LRP1B: variants seen among roughly 807,000 people sequenced by gnomAD.
The protein encoded by LRP1B is LDL receptor related protein 1B.
Under a neutral mutation model 556.6 loss-of-function variants are expected in LRP1B, and 217 were observed. The observed-to-expected ratio is 0.39, with a 90% CI of 0.35 to 0.44. LRP1B has a LOEUF of 0.44. Ranked by LOEUF, LRP1B falls within the 20% of genes least tolerant of loss-of-function variation. The pLI, the probability that LRP1B is intolerant of heterozygous loss-of-function variation, is 1.00. For synonymous variants in LRP1B, 2,047 were observed against 1,865.8 expected (o/e 1.10, Z -2.50); for missense variants, 5,053 against 5,620.8 (o/e 0.90, Z 3.23).
intron 84 of LRP1B, among the ~76,000 whole-genome samples, chr2:140,293,365 A>G (rs1241869383): frequency 6.6e-6 from 1 of 152,184 alleles, no homozygotes. Context: ...AAGTGCCGCT[A>G]TATTTGTTCT....
intron 41 of LRP1B, among the ~76,000 whole-genome samples, chr2:140,656,558 T>G (rs1303936784): frequency 5.3e-5 from 8 of 152,166 alleles, no homozygotes; most frequent in African/African-American, 1.9e-4. Flanking sequence ...AAATTCTACT[T>G]CTTTCTTCTT....
intron 1 of LRP1B, among the ~76,000 whole-genome samples, chr2:141,918,419 C>G (rs1574491864): frequency 6.6e-6 from 1 of 152,100 alleles, no homozygotes; most frequent in Non-Finnish European, 1.5e-5. Flanking sequence ...TCATCCTAAT[C>G]TTTTTCATGT....
At chr2:140,837,530 A>T (rs1207023179) in intron 31 of LRP1B, among the ~76,000 whole-genome samples, 2 of 152,330 alleles carry the variant, frequency 1.3e-5, no homozygotes, top group African/African-American at 2.4e-5. Context: ...TCTATTTTTT[A>T]AAAATTTTCA....
At chr2:140,464,055 G>A (rs908491220) in intron 60 of LRP1B, among the ~76,000 whole-genome samples, 4 of 152,002 alleles carry the variant, frequency 2.6e-5, no homozygotes, top group African/African-American at 4.8e-5. Context: ...AATTAGCCAG[G>A]CGTGGTGGTG....
chr2:141,612,903 T>C (rs1019280978), intron 2 of LRP1B, among the ~76,000 whole-genome samples: 1 of 151,952 alleles, frequency 6.6e-6, no homozygotes, highest in Non-Finnish European at 1.5e-5. Context: ...CCCTGGTTCA[T>C]GCCATTTTCC....
intron 90 of LRP1B, among the ~76,000 whole-genome samples, chr2:140,234,362 A>G (rs1333748664): frequency 6.6e-6 from 1 of 151,280 alleles, no homozygotes; most frequent in South Asian, 2.1e-4. Context: ...GACCGTCTGT[A>G]ATTTCTCAAT....
intron 62 of LRP1B, among the ~76,000 whole-genome samples, chr2:140,454,065 G>T (rs1686987985): frequency 6.6e-6 from 1 of 152,112 alleles, no homozygotes. Context: ...AGGTAAAATG[G>T]CCTCATAAAC....
At chr2:140,787,239 A>G (rs916370183) in intron 32 of LRP1B, among the ~76,000 whole-genome samples, 14 of 152,122 alleles carry the variant, frequency 9.2e-5, no homozygotes. Flanking sequence ...AGTTGATAGT[A>G]TTTCTGGTTT....
intron 32 of LRP1B, among the ~76,000 whole-genome samples, chr2:140,780,570 T>C (rs1689662910): frequency 6.6e-6 from 1 of 152,142 alleles, no homozygotes; most frequent in Non-Finnish European, 1.5e-5. Flanking sequence ...TGTTCCCTCC[T>C]TACTCACCCT....
intron 3 of LRP1B, among the ~76,000 whole-genome samples, chr2:141,272,105 T>C (rs186272839): frequency 4.6e-5 from 7 of 152,128 alleles, no homozygotes; most frequent in African/African-American, 7.2e-5. Context: ...CATAAAATTA[T>C]ACAAAGTAAC....
chr2:141,343,304 C>A (rs961625460), intron 3 of LRP1B, among the ~76,000 whole-genome samples: 4 of 152,142 alleles, frequency 2.6e-5, no homozygotes, highest in African/African-American at 9.7e-5. Flanking sequence ...CCTGTAGCTT[C>A]TTGAACTTAT....
intron 6 of LRP1B, among the ~76,000 whole-genome samples, chr2:141,216,256 G>A (rs1446845814): frequency 6.6e-6 from 1 of 152,204 alleles, no homozygotes; most frequent in Non-Finnish European, 1.5e-5. Context: ...CTGCCACTTT[G>A]GAGAATGCAA....
intron 6 of LRP1B, among the ~76,000 whole-genome samples, chr2:141,221,496 T>C (rs998914325): frequency 5.6e-4 from 85 of 151,264 alleles, no homozygotes; most frequent in African/African-American, 2.1e-3. Context: ...TTATACAGAT[T>C]GAGATAAAAC....
chr2:140,783,521 G>A (rs1689775892), intron 32 of LRP1B, among the ~76,000 whole-genome samples: 1 of 152,044 alleles, frequency 6.6e-6, no homozygotes, highest in African/African-American at 2.4e-5. Flanking sequence ...ATGAAGAATA[G>A]GAGAGAAGAC....
In LRP1B at chr2:141,975,767, A is replaced by G. The variant is rs146326065; in HGVS notation, c.82+154881T>C. Among the ~76,000 whole-genome samples, 425 of 152,274 alleles carry G rather than the reference A, an allele frequency of 2.8e-3. 1 individual carries two copies. The highest frequency in any genetic ancestry group is 9.5e-3 in the African/African-American group (394 of 41,570). ...TGAAGGGAATGAAGCCATATGTATT[A>G]GGCCTCTTGAAGGCATTAAACAATC... On this transcript the variant is annotated intron_variant, in intron 1 of 90. Coordinates refer to ENST00000389484, the MANE Select transcript of LRP1B (RefSeq NM_018557.3).
At chr2:140,945,795 G>A (rs1236550170) in intron 20 of LRP1B, among the ~76,000 whole-genome samples, 1 of 152,030 alleles carries the variant, frequency 6.6e-6, no homozygotes, top group Non-Finnish European at 1.5e-5. Context: ...CTAGATATTG[G>A]CATAGGCAAA....
intron 22 of LRP1B, among the ~76,000 whole-genome samples, chr2:140,903,490 C>A (rs1694161623): frequency 6.6e-6 from 1 of 151,912 alleles, no homozygotes; most frequent in Non-Finnish European, 1.5e-5. Context: ...TTATGCTGAG[C>A]CTTTTAGCAG....
chr2:140,495,584 A>G lies in LRP1B; in HGVS notation c.9015T>C (p.Asn3005=). 1 of 1,590,220 alleles carries G rather than the reference A, an allele frequency of 6.3e-7. No individual in the cohort carries two copies. Among genetic ancestry groups the G allele is most frequent in the Middle Eastern group, 1.7e-4 (1 of 5,966 alleles). Residue 3005 remains asparagine, a synonymous_variant, in exon 56 of 91, where the codon AAT becomes AAC. Transcript: ENST00000389484. ...CGATACCTGAGAGCGATTTGCAGCCATTTGGGTTATCAGGTTGTATTTCAT... is the reference window on the plus strand; with the variant it reads ...CGATACCTGAGAGCGATTTGCAGCCGTTTGGGTTATCAGGTTGTATTTCAT... ...DGYEIQPDNP[N]GCKSLSDEEP...
intron 43 of LRP1B, among the ~76,000 whole-genome samples, chr2:140,577,421 ATT>A (rs35836885): frequency 6.8e-4 from 98 of 144,584 alleles, no homozygotes; most frequent in South Asian, 8.9e-4. Context: ...CCACTACTGA[ATT>A]TTTTTTTTTT....
Sources: gnomAD v4.1 joint callset for allele counts (sites outside exome capture counted in the v4.1 genomes callset) on GRCh38, gnomAD v4.1.1 for gene constraint, MANE v1.5 for transcripts, NCBI Gene and HGNC (gene_info 2026-07-23, HGNC 2026-07-21) for gene names.